The following CSMD1 variants were observed in gnomAD, a reference collection of about 807,000 sequenced individuals.
CSMD1 encodes the protein CUB and sushi domain-containing protein 1.
A neutral mutation model predicts 417.5 loss-of-function variants in CSMD1; 213 were observed. The ratio of observed to expected loss-of-function variants is 0.51; its 90% CI spans 0.46 to 0.57. The LOEUF (loss-of-function observed/expected upper bound fraction) is 0.57, where lower values mean the gene tolerates loss of function less well. CSMD1 is among the 20% of genes least tolerant of loss of function. The pLI is 0.00. For missense variants in CSMD1, 6,923 were observed against 4,529.7 expected (o/e 1.53, Z -15.17); for synonymous variants, 2,862 against 1,736.8 (o/e 1.65, Z -16.11).
intron 1 of CSMD1, among the ~76,000 whole-genome samples, chr8:4,719,360 G>C (rs1339167030): frequency 6.6e-6 from 1 of 152,134 alleles, no homozygotes; most frequent in Non-Finnish European, 1.5e-5. Context: ...CAATGCGCTT[G>C]AGCCTGCTCA....
At chr8:4,173,879 G>C (rs1386171634) in intron 3 of CSMD1, among the ~76,000 whole-genome samples, 2 of 152,146 alleles carry the variant, frequency 1.3e-5, no homozygotes, top group African/African-American at 2.4e-5. Context: ...CGGGTTTGAA[G>C]TGGCAGCTGA....
chr8:4,470,607 A>G (rs1009948931), intron 2 of CSMD1, among the ~76,000 whole-genome samples: 16 of 152,250 alleles, frequency 1.1e-4, no homozygotes, highest in African/African-American at 3.9e-4. Context: ...CTGGTCTAAG[A>G]GCTCATAAAT....
chr8:3,695,389 A>G (rs1407475962), intron 7 of CSMD1, among the ~76,000 whole-genome samples: 3 of 149,268 alleles, frequency 2.0e-5, no homozygotes, highest in Non-Finnish European at 4.4e-5. Context: ...CGTGTCCTGT[A>G]TGCTAAAACT....
chr8:4,523,705 ACCT>A (rs1803615851), intron 2 of CSMD1, among the ~76,000 whole-genome samples: 1 of 152,166 alleles, frequency 6.6e-6, no homozygotes, highest in African/African-American at 2.4e-5. Context: ...ATCTGCTGAC[ACCT>A]CCTGTTCACA....
chr8:4,904,360 G>C (rs1258630173), intron 1 of CSMD1, among the ~76,000 whole-genome samples: 1 of 152,190 alleles, frequency 6.6e-6, no homozygotes, highest in South Asian at 2.1e-4. Flanking sequence ...CAGCATGCAA[G>C]AAGGTTGGGT....
chr8:4,145,441 G>A (rs376142049), intron 3 of CSMD1, among the ~76,000 whole-genome samples: 1 of 151,124 alleles, frequency 6.6e-6, no homozygotes, highest in East Asian at 1.9e-4. Flanking sequence ...TAATCTACAG[G>A]TTACTATATA....
chr8:3,580,108 A>G (rs934725564), intron 9 of CSMD1, among the ~76,000 whole-genome samples: 2 of 150,728 alleles, frequency 1.3e-5, no homozygotes, highest in Admixed American at 1.3e-4. Context: ...TGTCTCAAAA[A>G]GAAAAGAAAA....
At chr8:4,552,311 T>A (rs745956961) in intron 2 of CSMD1, among the ~76,000 whole-genome samples, 1 of 152,100 alleles carries the variant, frequency 6.6e-6, no homozygotes, top group Non-Finnish European at 1.5e-5. Flanking sequence ...GTTATGCATA[T>A]CCCTACACTC....
In CSMD1 at chr8:3,287,017, G is replaced by T. The variant is rs368986414; in HGVS notation, c.3951-2671C>A. ...ATTTTTGTATAAGGTGTAAGGAAGG[G>T]ATCCAGTTTCAGCTTTCTACATATG... On this transcript the variant is annotated intron_variant, in intron 25 of 69. Transcript: ENST00000635120. Among the ~76,000 whole-genome samples the T allele has an allele frequency of 2.6e-5, 4 of 151,960 alleles. 1 individual carries two copies. The highest frequency in any genetic ancestry group is 6.8e-3 in the Middle Eastern group (2 of 294).
chr8:3,598,651 G>A (rs76049142), intron 8 of CSMD1, among the ~76,000 whole-genome samples: 1,647 of 152,228 alleles, frequency 0.011, 36 homozygotes, highest in African/African-American at 0.038. Context: ...TGCTCATTTT[G>A]CTAAGGAAAT....
rs144806180 is a variant in CSMD1 at position 4,038,717 on chromosome 8, T to C, written c.416-6618A>G. On this transcript the variant is annotated intron_variant, in intron 3 of 69. Transcript: ENST00000635120. ...AGATGCTTCAAGAAAGCAATACTTATTTAGGTGATGGGAATTCTGCGCCCA... is the reference window on the plus strand; with the variant it reads ...AGATGCTTCAAGAAAGCAATACTTACTTAGGTGATGGGAATTCTGCGCCCA... 8.2e-4 allele frequency among the ~76,000 whole-genome samples: 125 copies of C among 152,320 alleles called. No individual in the cohort carries two copies. The Middle Eastern group carries it at 0.01, about 12-fold the overall frequency.
intron 2 of CSMD1, among the ~76,000 whole-genome samples, chr8:4,574,554 G>A (rs576456301): frequency 3.1e-4 from 47 of 152,284 alleles, no homozygotes; most frequent in African/African-American, 1.1e-3. Context: ...CTGCAGACGG[G>A]AGCTGTTCCT....
intron 48 of CSMD1, among the ~76,000 whole-genome samples, chr8:3,090,828 T>C (rs563816614): frequency 6.6e-6 from 1 of 152,056 alleles, no homozygotes; most frequent in Non-Finnish European, 1.5e-5. Context: ...ACTGCTTCTG[T>C]AGGAAAGTTT....
intron 2 of CSMD1, among the ~76,000 whole-genome samples, chr8:4,440,133 T>G (rs1798383698): frequency 6.6e-6 from 1 of 152,222 alleles, no homozygotes; most frequent in Non-Finnish European, 1.5e-5. Flanking sequence ...AGTGCAGCTT[T>G]GGTGTAAATT....
At chr8:4,793,895 C>T (rs1320142805) in intron 1 of CSMD1, among the ~76,000 whole-genome samples, 1 of 150,624 alleles carries the variant, frequency 6.6e-6, no homozygotes, top group African/African-American at 2.4e-5. Context: ...GATCAGGTAG[C>T]ATGTCTGATG....
At chr8:4,717,753 G>C (rs1187071414) in intron 1 of CSMD1, among the ~76,000 whole-genome samples, 2 of 152,090 alleles carry the variant, frequency 1.3e-5, no homozygotes. Context: ...ATCAGTCTCT[G>C]TCAGAAACTG....
rs1815350421 is a variant in CSMD1 at position 3,997,984 on chromosome 8, A to G, written c.737T>C (p.Ile246Thr). The G allele has an allele frequency of 6.2e-7, 1 of 1,611,144 alleles. No individual in the cohort carries two copies. The highest frequency in any genetic ancestry group is 1.1e-5 in the South Asian group (1 of 90,246). Residue 246 changes from isoleucine (I) to threonine (T), a missense_variant, in exon 5 of 70, where the codon ATT becomes ACT. Coordinates refer to ENST00000635120, the MANE Select transcript of CSMD1 (RefSeq NM_033225.6). ...WTILAEPGDT[I>T]ALVFTDFQLE... ...CTGAAAGTCAGTGAAGACCAGCGCA[A>G]TGGTGTCCCCGGGCTCAGCCAGAAT...
chr8:3,716,368 T>C lies in CSMD1; in HGVS notation c.932-7877A>G, dbSNP rs2129042884. ...AAGGGCTACTCCATAGACAGAACAG[T>C]CTTGAAGGCCGCTGGTTGCCCATTT... On this transcript the variant is annotated intron_variant, in intron 6 of 69. Coordinates refer to ENST00000635120, the MANE Select transcript of CSMD1 (RefSeq NM_033225.6). Among the ~76,000 whole-genome samples the C allele has an allele frequency of 2.0e-5, 3 of 152,288 alleles. No homozygotes were observed. In the South Asian group the frequency reaches 6.2e-4, roughly 32 times the overall value.
At chr8:4,824,065 C>G (rs548193447) in intron 1 of CSMD1, among the ~76,000 whole-genome samples, 17 of 143,982 alleles carry the variant, frequency 1.2e-4, no homozygotes, top group African/African-American at 4.4e-4. Context: ...CATACTTGCA[C>G]ATACACAAAT....
Sources: gnomAD v4.1 joint callset for allele counts (sites outside exome capture counted in the v4.1 genomes callset) on GRCh38, gnomAD v4.1.1 for gene constraint, MANE v1.5 for transcripts, NCBI Gene and HGNC (gene_info 2026-07-23, HGNC 2026-07-21) for gene names.